The following LGR4 variants were observed in gnomAD, a reference collection of about 807,000 sequenced individuals.
LGR4 encodes leucine rich repeat containing G protein-coupled receptor 4.
LGR4 carries 44 observed loss-of-function variants against 84.8 expected under a neutral mutation model. That is an observed-to-expected ratio of 0.52 (90% CI 0.41 to 0.67). The LOEUF is 0.67. Ranked by LOEUF, LGR4 falls within the 30% of genes least tolerant of loss-of-function variation. The pLI is 0.00. For synonymous variants in LGR4, 429 were observed against 434.3 expected (o/e 0.99, Z 0.15); for missense variants, 1,032 against 1,131.4 (o/e 0.91, Z 1.26).
At chr11:27,400,432 A>G (rs1863476643) in intron 2 of LGR4, among the ~76,000 whole-genome samples, 1 of 152,128 alleles carries the variant, frequency 6.6e-6, no homozygotes, top group Non-Finnish European at 1.5e-5. Context: ...TGTAAATCCC[A>G]GGAATAAAAC....
intron 1 of LGR4, among the ~76,000 whole-genome samples, chr11:27,470,117 T>C (rs1417245973): frequency 2.0e-5 from 3 of 152,158 alleles, no homozygotes; most frequent in African/African-American, 4.8e-5. Flanking sequence ...ATAAAACACA[T>C]TTGCACACCA....
At chr11:27,442,754 TGAA>T (rs1864324818) in intron 1 of LGR4, among the ~76,000 whole-genome samples, 1 of 152,116 alleles carries the variant, frequency 6.6e-6, no homozygotes, top group South Asian at 2.1e-4. Flanking sequence ...TCTAGACAAA[TGAA>T]GAAGAGAGGG....
intron 4 of LGR4, among the ~76,000 whole-genome samples, chr11:27,385,693 T>C (rs981128932): frequency 6.6e-6 from 1 of 152,172 alleles, no homozygotes; most frequent in African/African-American, 2.4e-5. Flanking sequence ...TCCAAATCTA[T>C]ATTCTTCAAC....
rs559942071 is a variant in LGR4 at position 27,369,615 on chromosome 11, G to T, written c.1580-472C>A. ...TGGATAATAATGCCTGTTTCATACAGTTGTGCAGCTTAAGTAAAATTATAC... is the reference window on the plus strand; with the variant it reads ...TGGATAATAATGCCTGTTTCATACATTTGTGCAGCTTAAGTAAAATTATAC... On this transcript the variant is annotated intron_variant, in intron 17 of 17. Transcript: ENST00000379214. 1.1e-3 allele frequency among the ~76,000 whole-genome samples: 171 copies of T among 152,258 alleles called. 3 individuals carry two copies. The highest frequency in any genetic ancestry group is 3.7e-3 in the African/African-American group (155 of 41,558).
chr11:27,390,478 T>C (rs1590355376), intron 4 of LGR4, among the ~76,000 whole-genome samples: 1 of 152,174 alleles, frequency 6.6e-6, no homozygotes, highest in African/African-American at 2.4e-5. Flanking sequence ...CCTAGGGTTC[T>C]GCATTTTAGC....
At chr11:27,457,738 T>C (rs1235412894) in intron 1 of LGR4, among the ~76,000 whole-genome samples, 1 of 152,230 alleles carries the variant, frequency 6.6e-6, no homozygotes, top group Non-Finnish European at 1.5e-5. Flanking sequence ...TTATTTATAA[T>C]AGCCAAAAAG....
intron 2 of LGR4, among the ~76,000 whole-genome samples, chr11:27,394,548 G>A (rs1394128927): frequency 4.0e-5 from 6 of 151,852 alleles, no homozygotes; most frequent in African/African-American, 1.5e-4. Flanking sequence ...GATTACAAAC[G>A]CCCACCACCA....
At chr11:27,375,454 A>C (rs578063869) in intron 13 of LGR4, among the ~76,000 whole-genome samples, 1 of 152,302 alleles carries the variant, frequency 6.6e-6, no homozygotes, top group South Asian at 2.1e-4. Context: ...ACAAATATGT[A>C]GTCAAATACA....
At chr11:27,435,042 T>C (rs1250479884) in intron 1 of LGR4, among the ~76,000 whole-genome samples, 4 of 152,230 alleles carry the variant, frequency 2.6e-5, no homozygotes, top group South Asian at 2.1e-4. Flanking sequence ...GAGCTACTTA[T>C]AGATAAAACT....
intron 6 of LGR4, 27 bp downstream of exon 6, chr11:27,384,309 A>G: frequency 6.9e-7 from 1 of 1,439,830 alleles, no homozygotes; most frequent in Non-Finnish European, 9.7e-7. Flanking sequence ...ATCACAATGC[A>G]GTTGCCCAAA....
At position 27,390,736 on chromosome 11, in the gene LGR4, G is replaced by A. The variant is rs752640807; in HGVS notation, c.401+358C>T. Among the ~76,000 whole-genome samples the A allele has an allele frequency of 3.9e-5, 6 of 152,202 alleles. No homozygotes were observed. In the East Asian group the frequency reaches 5.8e-4, roughly 15 times the overall value. On this transcript the variant is annotated intron_variant, in intron 4 of 17. Transcript: ENST00000379214. Reference sequence around the variant, plus strand: ...TTTGTTCTGATTATCATTACCACACGAAACAGAAACCTCTTTGTGGCTGTT... The same window carrying A: ...TTTGTTCTGATTATCATTACCACACAAAACAGAAACCTCTTTGTGGCTGTT...
chr11:27,440,565 T>C (rs762427538), intron 1 of LGR4, among the ~76,000 whole-genome samples: 37 of 152,296 alleles, frequency 2.4e-4, no homozygotes, highest in Admixed American at 2.2e-3. Flanking sequence ...TGGCAAAATG[T>C]AGTTTTGCAT....
intron 10 of LGR4, 124 bp from the exon 11 acceptor site, chr11:27,378,892 T>A: frequency 3.1e-6 from 2 of 646,162 alleles, no homozygotes; most frequent in Non-Finnish European, 5.4e-6. Context: ...TCCCATGGCC[T>A]AATTATTCCA....
intron 1 of LGR4, among the ~76,000 whole-genome samples, chr11:27,432,008 T>C (rs972752994): frequency 1.3e-5 from 2 of 152,182 alleles, no homozygotes; most frequent in Admixed American, 1.3e-4. Context: ...CTATGCACAT[T>C]GATTGTAATA....
chr11:27,412,212 T>C (rs888508928), intron 2 of LGR4, among the ~76,000 whole-genome samples: 5 of 152,116 alleles, frequency 3.3e-5, no homozygotes, highest in African/African-American at 1.2e-4. Context: ...GTGCAAACTG[T>C]TAAATTGGAA....
At position 27,368,946 on chromosome 11, in the gene LGR4, T is replaced by G; in HGVS notation, c.1777A>C (p.Ile593Leu). 6.2e-7 allele frequency: 1 copy of G among 1,614,090 alleles called. No homozygotes were observed. ...GACACAGCATCAAGAAAAGTTAGGA[T>G]GCCAGTATAGATTCCCATGAATAAG... ...SNLFMGIYTG[I>L]LTFLDAVSWG... The change falls in exon 18 of 18, where the codon ATC becomes CTC. Residue 593 changes from isoleucine (I) to leucine (L), a missense_variant. Transcript: ENST00000379214.
intron 1 of LGR4, among the ~76,000 whole-genome samples, chr11:27,436,371 AAG>A (rs543548414): frequency 1.3e-3 from 183 of 139,982 alleles, no homozygotes; most frequent in African/African-American, 4.3e-3. Flanking sequence ...GAAAGAAAGA[AAG>A]AGAGAGAGAG....
At chr11:27,464,071 C>A (rs1298504422) in intron 1 of LGR4, among the ~76,000 whole-genome samples, 1 of 152,242 alleles carries the variant, frequency 6.6e-6, no homozygotes, top group Non-Finnish European at 1.5e-5. Context: ...TATCTGCTTT[C>A]TCTTCCCTAC....
chr11:27,452,353 A>G (rs961764150), intron 1 of LGR4, among the ~76,000 whole-genome samples: 2 of 152,178 alleles, frequency 1.3e-5, no homozygotes, highest in Non-Finnish European at 2.9e-5. Context: ...AACATCTTAC[A>G]TAACCATAAT....
Sources: allele counts gnomAD v4.1 joint callset (sites outside exome capture counted in the v4.1 genomes callset), GRCh38; gene constraint gnomAD v4.1.1; transcripts MANE v1.5; gene names NCBI Gene and HGNC (gene_info 2026-07-23, HGNC 2026-07-21).